Variants in EXOC4 observed in about 807,000 individuals in gnomAD.
The protein encoded by EXOC4 is exocyst complex component 4, also known as SEC8-like 1.
Under a neutral mutation model 107.2 loss-of-function variants are expected in EXOC4, and 71 were observed. The ratio of observed to expected loss-of-function variants is 0.66; its 90% CI spans 0.55 to 0.81. EXOC4 has a LOEUF of 0.81. EXOC4 is among the 30% of genes least tolerant of loss of function. The pLI is 0.00. For missense variants in EXOC4, 1,108 were observed against 1,189.6 expected, an observed-to-expected ratio of 0.93 and a Z score of 1.01; for synonymous variants, 456 against 441.2, an observed-to-expected ratio of 1.03 and a Z score of -0.42.
the EXOC4 span, among the ~76,000 whole-genome samples, chr7:134,078,680 T>G: frequency 1.3e-5 from 2 of 152,226 alleles, no homozygotes; most frequent in Admixed American, 1.3e-4. Flanking sequence ...GAATGAGATT[T>G]GAAGTTGCAA....
intron 9 of EXOC4, among the ~76,000 whole-genome samples, chr7:133,580,120 TATGTGTCAGA>T (rs891614266): frequency 1.3e-5 from 2 of 152,246 alleles, no homozygotes; most frequent in Non-Finnish European, 2.9e-5. Context: ...CATGTGACAC[TATGTGTCAGA>T]ATTCCCTTAC....
At chr7:133,777,697 G>A (rs186954481) in intron 10 of EXOC4, among the ~76,000 whole-genome samples, 61 of 152,306 alleles carry the variant, frequency 4.0e-4, no homozygotes, top group Admixed American at 7.8e-4. Flanking sequence ...TCACTAATTA[G>A]CTTTGTGACC....
chr7:133,853,227 C>T (rs912432315), intron 11 of EXOC4, among the ~76,000 whole-genome samples: 1 of 152,052 alleles, frequency 6.6e-6, no homozygotes, highest in Non-Finnish European at 1.5e-5. Flanking sequence ...ATACCTGCTT[C>T]ATGTAGTTGG....
intron 9 of EXOC4, among the ~76,000 whole-genome samples, chr7:133,612,284 G>T (rs1269210952): frequency 6.6e-6 from 1 of 152,102 alleles, no homozygotes; most frequent in African/African-American, 2.4e-5. Flanking sequence ...CAGATTTCTG[G>T]AACTTACTCT....
chr7:133,754,718 A>G (rs545212524), intron 10 of EXOC4, among the ~76,000 whole-genome samples: 1 of 152,338 alleles, frequency 6.6e-6, no homozygotes, highest in African/African-American at 2.4e-5. Context: ...TTTTACTTTA[A>G]TGCTAACAAA....
At chr7:133,387,926 G>A (rs770264596) in intron 7 of EXOC4, among the ~76,000 whole-genome samples, 1 of 151,706 alleles carries the variant, frequency 6.6e-6, no homozygotes, top group African/African-American at 2.4e-5. Context: ...AAGTATAAAT[G>A]TATAATATGA....
At chr7:133,591,561 T>TGTGCGC (rs1230410962) in intron 9 of EXOC4, among the ~76,000 whole-genome samples, 13 of 18,868 alleles carry the variant, frequency 6.9e-4, no homozygotes, top group African/African-American at 1.1e-3. Context: ...TGTGTGTGTG[T>TGTGCGC]GTGTGTGCGT....
intron 7 of EXOC4, among the ~76,000 whole-genome samples, chr7:133,389,914 C>T (rs1003978937): frequency 7.1e-6 from 1 of 141,780 alleles, no homozygotes; most frequent in African/African-American, 2.6e-5. Flanking sequence ...AAAAAAAATG[C>T]ATGTGCAGGG....
intron 11 of EXOC4, among the ~76,000 whole-genome samples, chr7:133,827,169 T>G (rs1797722405): frequency 6.6e-6 from 1 of 152,246 alleles, no homozygotes; most frequent in African/African-American, 2.4e-5. Context: ...ATTCTTATGA[T>G]TAATCTATAA....
intron 17 of EXOC4, among the ~76,000 whole-genome samples, chr7:134,059,445 A>C (rs1796004344): frequency 6.6e-6 from 1 of 152,138 alleles, no homozygotes; most frequent in Admixed American, 6.5e-5. Context: ...TTATACATAC[A>C]CGCATACCTA....
intron 4 of EXOC4, among the ~76,000 whole-genome samples, chr7:133,316,276 C>T (rs558409132): frequency 1.3e-5 from 2 of 152,170 alleles, no homozygotes; most frequent in African/African-American, 2.4e-5. Flanking sequence ...ATCCTTCCTT[C>T]CTTCCTTCCA....
intron 10 of EXOC4, among the ~76,000 whole-genome samples, chr7:133,686,109 A>G (rs1794292787): frequency 6.6e-6 from 1 of 152,164 alleles, no homozygotes; most frequent in African/African-American, 2.4e-5. Flanking sequence ...CCAGAGGAAG[A>G]GAGACCTGAG....
intron 14 of EXOC4, among the ~76,000 whole-genome samples, chr7:133,991,273 G>GT (rs149031374): frequency 4.0e-4 from 60 of 151,192 alleles, no homozygotes; most frequent in Middle Eastern, 3.4e-3. Flanking sequence ...ATTATTTGTT[G>GT]TTTTTTTTGT....
chr7:133,728,144 T>C (rs1391937347), intron 10 of EXOC4, among the ~76,000 whole-genome samples: 2 of 152,242 alleles, frequency 1.3e-5, no homozygotes, highest in Non-Finnish European at 2.9e-5. Flanking sequence ...TCAATATTTA[T>C]AACTTTATCA....
chr7:133,670,332 T>A (rs1793918323), intron 10 of EXOC4, among the ~76,000 whole-genome samples: 1 of 152,228 alleles, frequency 6.6e-6, no homozygotes, highest in Admixed American at 6.5e-5. Flanking sequence ...CTCACCGTGT[T>A]GTTCAAGTGT....
Position 133,794,729 on chromosome 7 carries a change from A to AGTAG in EXOC4, c.1515-22595_1515-22592dup, listed in dbSNP as rs548739029. Reference sequence around the variant, plus strand: ...CACTGGCACTTACCACTTTCTCTTCAGTAGCAGAACTCTTGCCCTATTGAG... The same window carrying AGTAG: ...CACTGGCACTTACCACTTTCTCTTCAGTAGGTAGCAGAACTCTTGCCCTATTGAG... On this transcript the variant is annotated intron_variant, in intron 10 of 17. Coordinates refer to ENST00000253861, the MANE Select transcript of EXOC4 (RefSeq NM_021807.4). Among the ~76,000 whole-genome samples the AGTAG allele has an allele frequency of 3.8e-4, 58 of 152,154 alleles. 1 individual carries two copies. In the East Asian group the frequency reaches 0.011, roughly 28 times the overall value.
chr7:133,917,673 C>G lies in EXOC4; in HGVS notation c.1962C>G (p.Asn654Lys), dbSNP rs1323229313. 1.2e-6 allele frequency: 2 copies of G among 1,613,932 alleles called. No individual in the cohort carries two copies. Among genetic ancestry groups the G allele is most frequent in the East Asian group, 2.2e-5 (1 of 44,872 alleles). The change falls in exon 13 of 18, where the codon AAC (asparagine) becomes AAG (lysine). Residue 654 changes from asparagine (N) to lysine (K), a missense_variant. Coordinates refer to ENST00000253861, the MANE Select transcript of EXOC4 (RefSeq NM_021807.4). ...GCAGACTCTTGAAATCTCTACCAAA[C>G]TGGATGAATATGGCTCAACCCAAAC... ...DISRLLKSLP[N>K]WMNMAQPKQL...
rs750594543 is a variant in EXOC4, at chr7:133,511,007, AT to A, written c.1417+30879del. 2.6e-3 allele frequency among the ~76,000 whole-genome samples: 386 copies of A among 150,162 alleles called. 5 individuals carry two copies. The highest frequency in any genetic ancestry group is 8.6e-3 in the African/African-American group (353 of 41,038). On this transcript the variant is annotated intron_variant, in intron 9 of 17. Coordinates refer to ENST00000253861, the MANE Select transcript of EXOC4 (RefSeq NM_021807.4). The stretch of plus-strand genomic sequence containing the variant: ...AGAGTATATCCACAAGATCTGCATC[AT>A]TTTTTTTTTCTCTTTTCTTTACTGG...
Position 133,937,733 on chromosome 7 carries a change from A to C in EXOC4, c.2028-158A>C, listed in dbSNP as rs542156627. Among the ~76,000 whole-genome samples the C allele has an allele frequency of 4.6e-5, 7 of 152,342 alleles. No individual in the cohort carries two copies. The South Asian group carries it at 1.2e-3, about 27-fold the overall frequency. On this transcript the variant is annotated intron_variant, in intron 13 of 17. Transcript: ENST00000253861. ...CTTATCAGAATCATGTTAAGCAGGCATGTGATAGTTGTCTCACAAAGTTAA... is the reference window on the plus strand; with the variant it reads ...CTTATCAGAATCATGTTAAGCAGGCCTGTGATAGTTGTCTCACAAAGTTAA...
Sources: gnomAD v4.1 joint callset for allele counts (sites outside exome capture counted in the v4.1 genomes callset) on GRCh38, gnomAD v4.1.1 for gene constraint, MANE v1.5 for transcripts, NCBI Gene and HGNC (gene_info 2026-07-23, HGNC 2026-07-21) for gene names.